MNAT1: variants seen among roughly 807,000 people sequenced by gnomAD.
The protein encoded by MNAT1 is CDK-activating kinase assembly factor MAT1.
MNAT1 carries 43 observed loss-of-function variants against 42.0 expected under a neutral mutation model. That is an observed-to-expected ratio of 1.02 (90% CI 0.80 to 1.32). MNAT1 has a LOEUF of 1.32. MNAT1 is among the 40% of genes most tolerant of loss of function. MNAT1 has a pLI of 0.00. For missense variants in MNAT1, 306 were observed against 350.4 expected (o/e 0.87, Z 1.01); for synonymous variants, 118 against 120.0 (o/e 0.98, Z 0.11).
intron 6 of MNAT1, among the ~76,000 whole-genome samples, chr14:60,862,743 G>A (rs931270178): frequency 6.6e-6 from 1 of 152,128 alleles, no homozygotes; most frequent in African/African-American, 2.4e-5. Context: ...ATCTACATAT[G>A]TTAATATGTT....
At chr14:60,892,275 A>G (rs1454543532) in intron 7 of MNAT1, among the ~76,000 whole-genome samples, 1 of 149,538 alleles carries the variant, frequency 6.7e-6, no homozygotes, top group Non-Finnish European at 1.5e-5. Context: ...TTATTGTAAA[A>G]CTCTCCCTTT....
Position 60,799,147 on chromosome 14 carries a change from G to C in MNAT1, c.316+987G>C, listed in dbSNP as rs565706086. The C allele has an allele frequency of 3.3e-5, 22 of 666,982 alleles. No individual in the cohort carries two copies. In the African/African-American group the frequency reaches 3.9e-4, roughly 12 times the overall value. The allele number at this position is 666,982 out of a possible 1,614,324, so 41.3% of individuals were successfully genotyped here. ...GTCTAAGTTCATTTGTTATGCCATA[G>C]CAAAAGCATGTGGAAAACATAATTT... On this transcript the variant is annotated intron_variant, in intron 3 of 7. Coordinates refer to ENST00000261245, the MANE Select transcript of MNAT1 (RefSeq NM_002431.4).
chr14:60,955,663 A>G (rs941968340), intron 7 of MNAT1, among the ~76,000 whole-genome samples: 1 of 152,182 alleles, frequency 6.6e-6, no homozygotes, highest in African/African-American at 2.4e-5. Context: ...CTCTGTCTCT[A>G]AATAAATAAA....
intron 7 of MNAT1, among the ~76,000 whole-genome samples, chr14:60,908,082 C>T (rs879381211): frequency 1.3e-5 from 2 of 152,062 alleles, no homozygotes; most frequent in Non-Finnish European, 2.9e-5. Flanking sequence ...TTAATGCACT[C>T]ATTGACAAAT....
chr14:60,806,306 A>G (rs1416748159), intron 3 of MNAT1, among the ~76,000 whole-genome samples: 1 of 152,148 alleles, frequency 6.6e-6, no homozygotes, highest in Admixed American at 6.5e-5. Context: ...TAAAATGGGT[A>G]TAGAAGGGTG....
At chr14:60,917,479 G>T (rs1449371763) in intron 7 of MNAT1, among the ~76,000 whole-genome samples, 1 of 152,124 alleles carries the variant, frequency 6.6e-6, no homozygotes, top group Non-Finnish European at 1.5e-5. Flanking sequence ...GATGGTGTCT[G>T]TACTCAAAAT....
chr14:60,770,354 T>G (rs2031006700), intron 1 of MNAT1, among the ~76,000 whole-genome samples: 1 of 152,202 alleles, frequency 6.6e-6, no homozygotes, highest in African/African-American at 2.4e-5. Flanking sequence ...TGCTTCTGCC[T>G]CTTGACTGTT....
chr14:60,901,232 GTC>G (rs1233747179), intron 7 of MNAT1, among the ~76,000 whole-genome samples: 1 of 152,116 alleles, frequency 6.6e-6, no homozygotes, highest in Admixed American at 6.5e-5. Context: ...ATGACAGTGT[GTC>G]TGTTTACAGC....
intron 6 of MNAT1, among the ~76,000 whole-genome samples, chr14:60,839,946 A>C (rs2033499682): frequency 6.6e-6 from 1 of 152,222 alleles, no homozygotes; most frequent in South Asian, 2.1e-4. Context: ...TGAGCCGTGC[A>C]CAGCGTATCA....
At chr14:60,767,121 C>T (rs1165072798) in intron 1 of MNAT1, among the ~76,000 whole-genome samples, 1 of 152,164 alleles carries the variant, frequency 6.6e-6, no homozygotes, top group Non-Finnish European at 1.5e-5. Context: ...GAAATGGTTT[C>T]CATATGCTTC....
intron 7 of MNAT1, among the ~76,000 whole-genome samples, chr14:60,956,260 C>A (rs2036486408): frequency 6.6e-6 from 1 of 152,068 alleles, no homozygotes; most frequent in Non-Finnish European, 1.5e-5. Context: ...TCTTCTTGAA[C>A]CATTGATTGT....
intron 1 of MNAT1, among the ~76,000 whole-genome samples, chr14:60,774,124 A>G (rs1037246516): frequency 6.6e-6 from 1 of 152,228 alleles, no homozygotes; most frequent in Non-Finnish European, 1.5e-5. Context: ...CTTTTAAAAG[A>G]CAGATCAATT....
intron 7 of MNAT1, among the ~76,000 whole-genome samples, chr14:60,936,988 A>G (rs1273589363): frequency 6.6e-6 from 1 of 151,310 alleles, no homozygotes; most frequent in Non-Finnish European, 1.5e-5. Context: ...GATGCTGAGC[A>G]TTTTTTCATG....
chr14:60,892,523 A>C (rs990715045), intron 7 of MNAT1, among the ~76,000 whole-genome samples: 1 of 152,046 alleles, frequency 6.6e-6, no homozygotes, highest in African/African-American at 2.4e-5. Flanking sequence ...TAGTTGGATC[A>C]TGGTTTTATT....
intron 1 of MNAT1, among the ~76,000 whole-genome samples, chr14:60,746,437 C>T (rs1299661094): frequency 1.3e-5 from 2 of 151,518 alleles, no homozygotes; most frequent in African/African-American, 4.9e-5. Flanking sequence ...ATCACTTGAA[C>T]CTGGGAGGTG....
intron 6 of MNAT1, among the ~76,000 whole-genome samples, chr14:60,866,230 G>C (rs1213232590): frequency 6.6e-6 from 1 of 151,044 alleles, no homozygotes; most frequent in Admixed American, 6.6e-5. Flanking sequence ...TTTACATAAA[G>C]AGATTAAAAT....
At chr14:60,752,149 A>G (rs924655539) in intron 1 of MNAT1, among the ~76,000 whole-genome samples, 1 of 152,194 alleles carries the variant, frequency 6.6e-6, no homozygotes, top group Non-Finnish European at 1.5e-5. Flanking sequence ...TTACCAAAAT[A>G]TGTTGTTTTA....
chr14:60,784,684 C>T (rs539078759), intron 1 of MNAT1, among the ~76,000 whole-genome samples: 18 of 151,790 alleles, frequency 1.2e-4, no homozygotes, highest in Non-Finnish European at 2.2e-4. Context: ...AGGCTAGTCT[C>T]GAACTCCTGA....
At chr14:60,766,614 A>C (rs7142844) in intron 1 of MNAT1, among the ~76,000 whole-genome samples, 70,122 of 150,914 alleles carry the variant, frequency 0.46, 19,992 homozygotes, top group Admixed American at 0.61. Flanking sequence ...CGGGAGGCTG[A>C]GGCACGAGAA....
Sources: gnomAD v4.1 joint callset for allele counts (sites outside exome capture counted in the v4.1 genomes callset) on GRCh38, gnomAD v4.1.1 for gene constraint, MANE v1.5 for transcripts, NCBI Gene and HGNC (gene_info 2026-07-23, HGNC 2026-07-21) for gene names.